Variants in CNTNAP5 observed in about 807,000 individuals in gnomAD.
CNTNAP5 encodes the protein contactin-associated protein-like 5.
In CNTNAP5, 72 loss-of-function variants were observed where a neutral mutation model predicts 150.2. The ratio of observed to expected loss-of-function variants is 0.48; its 90% confidence interval spans 0.40 to 0.58. CNTNAP5 has a LOEUF of 0.58. CNTNAP5 is among the 20% of genes least tolerant of loss of function. The pLI is 0.00. For missense variants in CNTNAP5, 1,636 were observed against 1,626.2 expected (o/e 1.01, Z -0.10); for synonymous variants, 672 against 619.8 (o/e 1.08, Z -1.25).
At chr2:124,793,082 A>G (rs755020238) in intron 18 of CNTNAP5, among the ~76,000 whole-genome samples, 9 of 152,170 alleles carry the variant, frequency 5.9e-5, no homozygotes, top group Non-Finnish European at 8.8e-5. Context: ...AACGGTAACT[A>G]TAGGTTTAAT....
intron 21 of CNTNAP5, among the ~76,000 whole-genome samples, chr2:124,902,607 A>G (rs186268245): frequency 5.6e-4 from 86 of 152,318 alleles, no homozygotes; most frequent in African/African-American, 1.9e-3. Flanking sequence ...TTCATAAAAT[A>G]CATGAATGAA....
chr2:124,383,063 A>G (rs1163921050), intron 3 of CNTNAP5, among the ~76,000 whole-genome samples: 1 of 152,140 alleles, frequency 6.6e-6, no homozygotes, highest in East Asian at 1.9e-4. Flanking sequence ...ATACACCTTC[A>G]GTTTCCTCCA....
chr2:124,318,380 G>A (rs550728790), intron 3 of CNTNAP5, among the ~76,000 whole-genome samples: 1 of 152,180 alleles, frequency 6.6e-6, no homozygotes, highest in South Asian at 2.1e-4. Flanking sequence ...ATTTTTATAA[G>A]GCCTAGTGTT....
intron 1 of CNTNAP5, among the ~76,000 whole-genome samples, chr2:124,126,872 A>C (rs556680202): frequency 6.6e-6 from 1 of 152,204 alleles, no homozygotes; most frequent in African/African-American, 2.4e-5. Flanking sequence ...CTTCATGCTA[A>C]AAACTCTCAA....
intron 9 of CNTNAP5, among the ~76,000 whole-genome samples, chr2:124,526,773 G>A (rs1573436849): frequency 6.6e-6 from 1 of 151,996 alleles, no homozygotes; most frequent in Non-Finnish European, 1.5e-5. Context: ...TTCCAGTTAC[G>A]CTCCTGTGTG....
intron 19 of CNTNAP5, among the ~76,000 whole-genome samples, chr2:124,857,439 A>G (rs1265531448): frequency 6.6e-6 from 1 of 152,082 alleles, no homozygotes; most frequent in African/African-American, 2.4e-5. Context: ...GAAGGAGGCT[A>G]AACCAGTGCA....
intron 3 of CNTNAP5, among the ~76,000 whole-genome samples, chr2:124,281,174 G>C (rs557625139): frequency 1.3e-4 from 20 of 152,214 alleles, no homozygotes; most frequent in Non-Finnish European, 4.4e-5. Context: ...TGTCAAGTCA[G>C]TTTAAGAGAG....
intron 4 of CNTNAP5, among the ~76,000 whole-genome samples, chr2:124,432,148 A>G (rs1210735053): frequency 6.6e-6 from 1 of 152,220 alleles, no homozygotes; most frequent in Non-Finnish European, 1.5e-5. Context: ...ACCCAGTGCT[A>G]GGGAAACCCA....
chr2:124,727,626 G>A (rs1036227403), intron 13 of CNTNAP5, among the ~76,000 whole-genome samples: 7 of 151,820 alleles, frequency 4.6e-5, no homozygotes, highest in East Asian at 1.9e-4. Context: ...TTCATTGTTC[G>A]TATATAGAAG....
chr2:124,582,663 G>T (rs1696441476), intron 11 of CNTNAP5, among the ~76,000 whole-genome samples: 2 of 152,036 alleles, frequency 1.3e-5, no homozygotes, highest in Admixed American at 6.6e-5. Flanking sequence ...AAGTTTCAAA[G>T]GGCTCAAAAT....
At chr2:124,352,025 T>C (rs958050760) in intron 3 of CNTNAP5, among the ~76,000 whole-genome samples, 1 of 152,092 alleles carries the variant, frequency 6.6e-6, no homozygotes, top group Admixed American at 6.6e-5. Flanking sequence ...AGGTGACAGC[T>C]GAGCTATAAT....
At chr2:124,448,707 C>T (rs1029172551) in intron 6 of CNTNAP5, among the ~76,000 whole-genome samples, 1 of 151,846 alleles carries the variant, frequency 6.6e-6, no homozygotes, top group African/African-American at 2.4e-5. Context: ...GTTGTAAAGG[C>T]AATAAAGAAA....
chr2:124,735,386 A>G (rs542382054), intron 13 of CNTNAP5, among the ~76,000 whole-genome samples: 54 of 152,174 alleles, frequency 3.5e-4, no homozygotes, highest in African/African-American at 9.6e-4. Context: ...ATTAGACTTC[A>G]TAGAAACCAT....
intron 7 of CNTNAP5, among the ~76,000 whole-genome samples, chr2:124,487,383 C>T (rs905632): frequency 0.47 from 71,711 of 151,944 alleles, 17,059 homozygotes; most frequent in Middle Eastern, 0.59. Flanking sequence ...CTTCATAAGC[C>T]GCATTTGATG....
rs529999975 is a variant in CNTNAP5 at position 124,887,878 on chromosome 2, T to C, written c.3437-15004T>C. On this transcript the variant is annotated intron_variant, in intron 21 of 23. Coordinates refer to ENST00000682447, the MANE Select transcript of CNTNAP5 (RefSeq NM_001367498.1). Reference sequence around the variant, plus strand: ...AAGACCTGAAAAGCCAGGATTGTTTTTTGTTTTACTTTATCTAAAATGCAA... The same window carrying C: ...AAGACCTGAAAAGCCAGGATTGTTTCTTGTTTTACTTTATCTAAAATGCAA... 5.3e-5 allele frequency among the ~76,000 whole-genome samples: 8 copies of C among 152,264 alleles called. No individual in the cohort carries two copies. The South Asian group carries it at 8.3e-4, about 16-fold the overall frequency.
intron 10 of CNTNAP5, among the ~76,000 whole-genome samples, chr2:124,529,396 T>C (rs1695055004): frequency 6.6e-6 from 1 of 152,232 alleles, no homozygotes; most frequent in Non-Finnish European, 1.5e-5. Flanking sequence ...AATTGTAGTC[T>C]TGTATAATTG....
intron 1 of CNTNAP5, among the ~76,000 whole-genome samples, chr2:124,187,412 AGT>A (rs1685360365): frequency 6.6e-6 from 1 of 152,220 alleles, no homozygotes. Flanking sequence ...AGCATAAATC[AGT>A]GCTTTCCTAA....
At chr2:124,049,976 G>A (rs1681646912) in intron 1 of CNTNAP5, among the ~76,000 whole-genome samples, 1 of 152,016 alleles carries the variant, frequency 6.6e-6, no homozygotes, top group African/African-American at 2.4e-5. Context: ...ATTCATGAGG[G>A]CTCTGCCCTC....
intron 11 of CNTNAP5, among the ~76,000 whole-genome samples, chr2:124,607,736 G>C (rs529626846): frequency 1.1e-4 from 16 of 152,292 alleles, no homozygotes; most frequent in Non-Finnish European, 2.2e-4. Flanking sequence ...ATGCTGTGGG[G>C]TGGTGTTTCC....
Sources: gnomAD v4.1 joint callset for allele counts (sites outside exome capture counted in the v4.1 genomes callset) on GRCh38, gnomAD v4.1.1 for gene constraint, MANE v1.5 for transcripts, NCBI Gene and HGNC (gene_info 2026-07-23, HGNC 2026-07-21) for gene names.